Variants in ADAMTS12 observed in about 807,000 individuals in gnomAD.
ADAMTS12 encodes the protein A disintegrin and metalloproteinase with thrombospondin motifs 12.
In ADAMTS12, 118 loss-of-function variants were observed where a neutral mutation model predicts 167.8. The observed-to-expected ratio is 0.70, with a 90% CI of 0.61 to 0.82. The LOEUF is 0.82. Ranked by LOEUF, ADAMTS12 falls within the 40% of genes least tolerant of loss-of-function variation. The probability of loss-of-function intolerance (pLI) is 0.00; values close to 1 mark genes in which losing one functional copy is unlikely to be tolerated. For synonymous variants in ADAMTS12, 704 were observed against 716.9 expected (o/e 0.98, Z 0.29); for missense variants, 1,916 against 1,998.8 (o/e 0.96, Z 0.79).
At chr5:33,682,940 T>A in intron 5 of ADAMTS12, 78 bp downstream of exon 5, 2 of 1,186,208 alleles carry the variant, frequency 1.7e-6, no homozygotes, top group Non-Finnish European at 2.4e-6. Context: ...CTTTCTTGTC[T>A]ACCAAGAACT....
chr5:33,725,696 C>A (rs149496499), intron 3 of ADAMTS12, among the ~76,000 whole-genome samples: 31 of 152,308 alleles, frequency 2.0e-4, no homozygotes, highest in Non-Finnish European at 4.1e-4. Context: ...GACACATCGG[C>A]GAGGAAGCCC....
rs1038289388 is a variant in ADAMTS12 at position 33,693,514 on chromosome 5, T to C, written c.635-9459A>G. ...ACATGCCAACTTATTATAAAAATAGTATGTATGTTCATTCAGCTTTTGAAA... is the reference window on the plus strand; with the variant it reads ...ACATGCCAACTTATTATAAAAATAGCATGTATGTTCATTCAGCTTTTGAAA... On this transcript the variant is annotated intron_variant, in intron 3 of 23. Coordinates refer to ENST00000504830, the MANE Select transcript of ADAMTS12 (RefSeq NM_030955.4). Among the ~76,000 whole-genome samples, 6 of 152,224 alleles carry C rather than the reference T, an allele frequency of 3.9e-5. 1 individual carries two copies. Among genetic ancestry groups the C allele is most frequent in the Admixed American group, 3.9e-4 (6 of 15,284 alleles).
At chr5:33,832,339 T>C (rs746072396) in intron 2 of ADAMTS12, among the ~76,000 whole-genome samples, 2 of 152,196 alleles carry the variant, frequency 1.3e-5, no homozygotes, top group Non-Finnish European at 2.9e-5. Flanking sequence ...TATGAACAGG[T>C]TCTACCTATT....
At chr5:33,553,764 A>T (rs1265863876) in intron 20 of ADAMTS12, among the ~76,000 whole-genome samples, 1 of 152,172 alleles carries the variant, frequency 6.6e-6, no homozygotes, top group Non-Finnish European at 1.5e-5. Context: ...ACTAATGGGC[A>T]CTAGGCTTAA....
intron 12 of ADAMTS12, among the ~76,000 whole-genome samples, chr5:33,631,474 A>AT (rs5867197): frequency 0.48 from 73,068 of 151,756 alleles, 20,091 homozygotes; most frequent in Non-Finnish European, 0.62. Flanking sequence ...ATGTAGAAAC[A>AT]TTTTTTTTGT....
At chr5:33,653,630 C>G (rs2112200881) in intron 7 of ADAMTS12, among the ~76,000 whole-genome samples, 1 of 152,212 alleles carries the variant, frequency 6.6e-6, no homozygotes, top group Middle Eastern at 3.4e-3. Flanking sequence ...TATTGCACCT[C>G]TTCTTTGGGC....
intron 20 of ADAMTS12, among the ~76,000 whole-genome samples, chr5:33,550,595 C>CT (rs1400987782): frequency 6.6e-6 from 1 of 151,978 alleles, no homozygotes. Flanking sequence ...CCCATCACTG[C>CT]TTTTTTTTAA....
chr5:33,861,793 G>C (rs542311485), intron 2 of ADAMTS12, among the ~76,000 whole-genome samples: 2 of 152,104 alleles, frequency 1.3e-5, no homozygotes, highest in Non-Finnish European at 2.9e-5. Flanking sequence ...ACACTCCTCA[G>C]CAAATGCAAA....
At chr5:33,819,401 C>T (rs918220402) in intron 2 of ADAMTS12, among the ~76,000 whole-genome samples, 2 of 151,984 alleles carry the variant, frequency 1.3e-5, no homozygotes, top group African/African-American at 4.8e-5. Context: ...TATTTCTAGG[C>T]ACTCTGATTT....
rs768533650 is a variant in ADAMTS12 at position 33,576,894 on chromosome 5, G to A, written c.3132C>T (p.Ser1044=). 1 of 1,614,200 alleles carries A rather than the reference G, an allele frequency of 6.2e-7. No individual in the cohort carries two copies. Among genetic ancestry groups the A allele is most frequent in the South Asian group, 1.1e-5 (1 of 91,078 alleles). Residue 1044 remains serine, a synonymous_variant, in exon 19 of 24, where the codon AGC becomes AGT. Coordinates refer to ENST00000504830, the MANE Select transcript of ADAMTS12 (RefSeq NM_030955.4). ...TPTGPESMST[S]TPAISSPSPT... is the part of the protein sequence containing the mutation. ...GACTAGGGCTGCTGATTGCTGGAGT[G>A]CTTGTGCTCATAGACTCAGGCCCTG...
intron 2 of ADAMTS12, among the ~76,000 whole-genome samples, chr5:33,843,849 C>A (rs879907824): frequency 6.6e-6 from 1 of 152,208 alleles, no homozygotes; most frequent in African/African-American, 2.4e-5. Flanking sequence ...AGATCTCCTA[C>A]TACACAGAAT....
chr5:33,589,796 C>T (rs1452019542), intron 17 of ADAMTS12, among the ~76,000 whole-genome samples: 2 of 152,136 alleles, frequency 1.3e-5, no homozygotes, highest in African/African-American at 4.8e-5. Context: ...AGGAAAGCCT[C>T]CTGACTTGAG....
chr5:33,805,289 T>C (rs1299934886), intron 2 of ADAMTS12, among the ~76,000 whole-genome samples: 1 of 152,104 alleles, frequency 6.6e-6, no homozygotes, highest in African/African-American at 2.4e-5. Context: ...ATTTTAAAAA[T>C]TATTGGTGAA....
At chr5:33,689,529 G>T (rs1286168759) in intron 3 of ADAMTS12, among the ~76,000 whole-genome samples, 1 of 152,144 alleles carries the variant, frequency 6.6e-6, no homozygotes, top group Non-Finnish European at 1.5e-5. Flanking sequence ...GAGTGCAGTA[G>T]GAGGTAGGTG....
chr5:33,879,270 G>C lies in ADAMTS12; in HGVS notation c.489+1849C>G, dbSNP rs149374283. 2.9e-4 allele frequency among the ~76,000 whole-genome samples: 44 copies of C among 152,088 alleles called. No individual in the cohort carries two copies. In the East Asian group the frequency reaches 7.7e-3, roughly 27 times the overall value. On this transcript the variant is annotated intron_variant, in intron 2 of 23. Transcript: ENST00000504830. ...GGTCTGAAGTGCAGCCCATGGGTTTGTCTTTGTAATGAGCTCCCCATTCAA... is the reference window on the plus strand; with the variant it reads ...GGTCTGAAGTGCAGCCCATGGGTTTCTCTTTGTAATGAGCTCCCCATTCAA...
At chr5:33,633,521 T>C (rs1003173617) in intron 12 of ADAMTS12, among the ~76,000 whole-genome samples, 2 of 151,920 alleles carry the variant, frequency 1.3e-5, no homozygotes, top group African/African-American at 4.8e-5. Flanking sequence ...CCATGACCTA[T>C]AGGTGTGCCT....
intron 11 of ADAMTS12, among the ~76,000 whole-genome samples, chr5:33,638,288 A>G (rs1309239755): frequency 6.6e-6 from 1 of 152,194 alleles, no homozygotes; most frequent in Non-Finnish European, 1.5e-5. Flanking sequence ...AACAATTATC[A>G]GGCTAAATTT....
At chr5:33,879,441 G>A (rs1461938549) in intron 2 of ADAMTS12, among the ~76,000 whole-genome samples, 2 of 152,118 alleles carry the variant, frequency 1.3e-5, no homozygotes, top group Non-Finnish European at 2.9e-5. Context: ...TGCTTCCAGG[G>A]TTGTCTCACA....
intron 19 of ADAMTS12, among the ~76,000 whole-genome samples, chr5:33,565,873 T>C (rs1745990860): frequency 6.6e-6 from 1 of 152,132 alleles, no homozygotes; most frequent in African/African-American, 2.4e-5. Context: ...TGCGTGGATA[T>C]AGTAATGGCT....
Sources: gnomAD v4.1 joint callset for allele counts (sites outside exome capture counted in the v4.1 genomes callset) on GRCh38, gnomAD v4.1.1 for gene constraint, MANE v1.5 for transcripts, NCBI Gene and HGNC (gene_info 2026-07-23, HGNC 2026-07-21) for gene names.